The following PSME4 variants were observed in gnomAD, a reference collection of about 807,000 sequenced individuals.
PSME4 encodes proteasome activator complex subunit 4.
A neutral mutation model predicts 253.9 loss-of-function variants in PSME4; 89 were observed. That is an observed-to-expected ratio of 0.35 (90% confidence interval 0.30 to 0.42). The LOEUF is 0.42. Ranked by LOEUF, PSME4 falls within the 10% of genes least tolerant of loss-of-function variation. PSME4 has a pLI of 1.00. For missense variants in PSME4, 2,014 were observed against 2,195.2 expected (o/e 0.92, Z 1.65); for synonymous variants, 851 against 759.2 (o/e 1.12, Z -1.99).
intron 20 of PSME4, among the ~76,000 whole-genome samples, chr2:53,918,825 A>T (rs1207829989): frequency 6.6e-6 from 1 of 152,198 alleles, no homozygotes; most frequent in African/African-American, 2.4e-5. Flanking sequence ...GCTACAGTCA[A>T]AACAAAGCAG....
At chr2:53,888,614 A>G in intron 38 of PSME4, 107 bp downstream of exon 38, 2 of 697,296 alleles carry the variant, frequency 2.9e-6, no homozygotes, top group East Asian at 2.5e-5. Context: ...AGAAGAAAGT[A>G]ATTACTTCAT....
intron 43 of PSME4, among the ~76,000 whole-genome samples, chr2:53,872,652 G>A (rs1453407024): frequency 6.8e-6 from 1 of 147,962 alleles, no homozygotes; most frequent in Non-Finnish European, 1.5e-5. Context: ...TGAGGTGGGA[G>A]GATCACTTGA....
intron 1 of PSME4, among the ~76,000 whole-genome samples, chr2:53,957,280 A>G (rs1670279499): frequency 1.3e-5 from 2 of 152,210 alleles, no homozygotes; most frequent in Admixed American, 6.5e-5. Flanking sequence ...TGAGGACATT[A>G]TATTTATTGT....
intron 41 of PSME4, among the ~76,000 whole-genome samples, chr2:53,876,482 ATTTC>A (rs1679125637): frequency 6.6e-6 from 1 of 151,954 alleles, no homozygotes; most frequent in African/African-American, 2.4e-5. Context: ...GGTGCTGTGT[ATTTC>A]TTTCATTGAT....
chr2:53,896,304 A>G (rs1680132879), intron 32 of PSME4, among the ~76,000 whole-genome samples: 2 of 152,230 alleles, frequency 1.3e-5, no homozygotes, highest in African/African-American at 2.4e-5. Flanking sequence ...GAAAAAAATT[A>G]AAACATTTTC....
chr2:53,901,326 G>C (rs375245249), intron 28 of PSME4, 24 bp downstream of exon 28: 55 of 1,571,312 alleles, frequency 3.5e-5, no homozygotes, highest in Non-Finnish European at 4.5e-5. Flanking sequence ...ACTAAAACTT[G>C]AATGAAAGAA....
intron 3 of PSME4, among the ~76,000 whole-genome samples, chr2:53,943,846 CAAAAAAAAAAAA>C (rs5831284): frequency 2.5e-5 from 2 of 81,372 alleles, no homozygotes; most frequent in African/African-American, 4.6e-5. Flanking sequence ...AACTCCATCT[CAAAAAAAAAAAA>C]AAAAAAAAAG....
chr2:53,947,949 G>A (rs563976892), intron 3 of PSME4, among the ~76,000 whole-genome samples: 2 of 152,056 alleles, frequency 1.3e-5, no homozygotes, highest in South Asian at 4.1e-4. Flanking sequence ...CCGGGAAGTG[G>A]AGGTTGCAGT....
intron 10 of PSME4, among the ~76,000 whole-genome samples, chr2:53,929,110 G>A (rs1668701089): frequency 6.6e-6 from 1 of 151,910 alleles, no homozygotes; most frequent in South Asian, 2.1e-4. Flanking sequence ...AGGTTCCAGT[G>A]AGCCAAGATT....
chr2:53,946,730 G>C (rs920030929), intron 3 of PSME4, among the ~76,000 whole-genome samples: 5 of 152,070 alleles, frequency 3.3e-5, no homozygotes, highest in African/African-American at 1.2e-4. Context: ...ACCCTGTGTA[G>C]AGACCCTGTC....
intron 29 of PSME4, among the ~76,000 whole-genome samples, chr2:53,899,450 G>A (rs1680291532): frequency 6.6e-6 from 1 of 152,030 alleles, no homozygotes; most frequent in Non-Finnish European, 1.5e-5. Flanking sequence ...CAACTTTTTT[G>A]TATTTTTTTC....
In PSME4 at chr2:53,920,220, C is replaced by G; in HGVS notation, c.2393G>C (p.Cys798Ser). ...AGACATTTCAAGTTTTCCATCCCCA[C>G]AATGCTGGAGTTTGACGAGCTCAGG... ...LQPELVKLQHCGDGKLEMSRD... is the reference protein window; with the variant it reads ...LQPELVKLQHSGDGKLEMSRD... The change falls in exon 19 of 47, where the codon TGT (cysteine) becomes TCT (serine). Residue 798 changes from cysteine to serine, a missense_variant. Cys to Ser is a moderately radical substitution (Grantham distance 112, BLOSUM62 -1). This residue lies in a region of PSME4 where 989 missense variants were observed against 1,021.1 expected (regional missense o/e 0.97). Coordinates refer to ENST00000404125, the MANE Select transcript of PSME4 (RefSeq NM_014614.3). The G allele has an allele frequency of 6.2e-7, 1 of 1,611,584 alleles. No homozygotes were observed. The highest frequency in any genetic ancestry group is 8.5e-7 in the Non-Finnish European group (1 of 1,178,666).
At chr2:53,876,773 T>C (rs1679150443) in intron 41 of PSME4, among the ~76,000 whole-genome samples, 1 of 138,868 alleles carries the variant, frequency 7.2e-6, no homozygotes, top group Non-Finnish European at 1.5e-5. Flanking sequence ...GGCTGGAGTG[T>C]AGTGGCACAA....
chr2:53,897,003 G>A (rs1319605151), intron 31 of PSME4, 118 bp from the exon 32 acceptor site: 2 of 736,582 alleles, frequency 2.7e-6, no homozygotes, highest in East Asian at 2.5e-5. Context: ...CTCGCCTATC[G>A]ACATCTGGCA....
intron 24 of PSME4, 38 bp downstream of exon 24, chr2:53,908,282 A>C (rs753083247): frequency 1.3e-5 from 19 of 1,517,028 alleles, no homozygotes; most frequent in Admixed American, 1.8e-5. Flanking sequence ...ATACGACTTT[A>C]AAACAATTAG....
intron 11 of PSME4, 127 bp from the exon 12 acceptor site, chr2:53,927,610 G>A: frequency 2.7e-6 from 2 of 734,282 alleles, no homozygotes; most frequent in Non-Finnish European, 4.7e-6. Context: ...GTTTTTCTGG[G>A]TATTCCTCAT....
intron 20 of PSME4, among the ~76,000 whole-genome samples, chr2:53,913,110 C>G (rs1012121311): frequency 1.3e-5 from 2 of 152,102 alleles, no homozygotes; most frequent in African/African-American, 4.8e-5. Context: ...AGGAACAATA[C>G]AATTCAAAAA....
In PSME4 at chr2:53,961,232, T is replaced by C. The variant is rs564899404; in HGVS notation, c.242+9311A>G. Among the ~76,000 whole-genome samples the C allele has an allele frequency of 6.6e-5, 10 of 152,344 alleles. No homozygotes were observed. The East Asian group carries it at 1.9e-3, about 29-fold the overall frequency. On this transcript the variant is annotated intron_variant, in intron 1 of 46. Transcript: ENST00000404125. ...ATTCCAATAGAGGTCTCAATGAATG[T>C]AGAGGTTTTCTGTTGCTGTTGTTGT...
intron 38 of PSME4, 148 bp downstream of exon 38, chr2:53,888,571 CAT>C (rs746463744): frequency 5.0e-5 from 26 of 516,700 alleles, no homozygotes; most frequent in African/African-American, 5.6e-5. Flanking sequence ...TTAAGTATCA[CAT>C]GTTATATGGA....
Sources: gnomAD v4.1 joint callset for allele counts (sites outside exome capture counted in the v4.1 genomes callset) on GRCh38, gnomAD v4.1.1 for gene constraint, gnomAD v4.1.1 regional missense constraint, MANE v1.5 for transcripts, NCBI Gene and HGNC (gene_info 2026-07-23, HGNC 2026-07-21) for gene names.